The following CDK17 variants were observed in gnomAD, a reference collection of about 807,000 sequenced individuals.
CDK17 encodes the protein cyclin dependent kinase 17, also known as cyclin-dependent kinase 17.
Under a neutral mutation model 77.6 loss-of-function variants are expected in CDK17, and 24 were observed. That is an observed-to-expected ratio of 0.31 (90% confidence interval 0.22 to 0.44). The LOEUF (loss-of-function observed/expected upper bound fraction) is 0.44, where lower values mean the gene tolerates loss of function less well. Ranked by LOEUF, CDK17 falls within the 20% of genes least tolerant of loss-of-function variation. The pLI is 1.00. For missense variants in CDK17, 429 were observed against 622.5 expected, an observed-to-expected ratio of 0.69 and a Z score of 3.31; for synonymous variants, 203 against 210.4, an observed-to-expected ratio of 0.96 and a Z score of 0.30.
chr12:96,342,526 C>A (rs1393523748), intron 1 of CDK17, among the ~76,000 whole-genome samples: 1 of 152,066 alleles, frequency 6.6e-6, no homozygotes, highest in African/African-American at 2.4e-5. Flanking sequence ...CATGCCACTG[C>A]ACTCCAGCCC....
At chr12:96,317,884 C>A (rs1481424543) in intron 3 of CDK17, among the ~76,000 whole-genome samples, 2 of 148,254 alleles carry the variant, frequency 1.3e-5, no homozygotes, top group African/African-American at 4.9e-5. Context: ...GAAGAAACTG[C>A]ATCAACTAAT....
chr12:96,309,764 T>A (rs1417260304), intron 5 of CDK17, among the ~76,000 whole-genome samples: 1 of 152,168 alleles, frequency 6.6e-6, no homozygotes, highest in East Asian at 1.9e-4. Context: ...AACTTAGTCA[T>A]CAGAGAAATG....
At chr12:96,339,519 A>C (rs920570720) in intron 1 of CDK17, among the ~76,000 whole-genome samples, 1 of 152,104 alleles carries the variant, frequency 6.6e-6, no homozygotes, top group African/African-American at 2.4e-5. Context: ...AAAGATAGTG[A>C]ATTTTGCTAT....
At chr12:96,298,559 C>T (rs966413749) in intron 7 of CDK17, among the ~76,000 whole-genome samples, 13 of 152,068 alleles carry the variant, frequency 8.5e-5, no homozygotes, top group Non-Finnish European at 1.8e-4. Context: ...TGTTTACACA[C>T]TGTTTTTTAA....
Position 96,400,326 on chromosome 12 carries a change from G to A in CDK17, c.-370C>T, listed in dbSNP as rs992209751. 5 of 388,426 alleles carry A rather than the reference G, an allele frequency of 1.3e-5. No homozygotes were observed. In the East Asian group the frequency reaches 1.5e-4, roughly 11 times the overall value. 24.1% of individuals were successfully genotyped at this position (388,426 alleles called of 1,614,324 possible). A position where few individuals can be genotyped will look rare whatever the true frequency, so the allele number is the denominator to read the frequency against. ...CGGCGGGCTGAGACTGTCTGGCCGG[G>A]CGCTGGCTCCTTCTCCGCGGCTCTG... On this transcript the variant is annotated 5_prime_UTR_variant, in exon 1 of 17. Coordinates refer to ENST00000261211, the MANE Select transcript of CDK17 (RefSeq NM_002595.5).
At chr12:96,337,397 G>A (rs754236032) in intron 1 of CDK17, among the ~76,000 whole-genome samples, 1 of 152,186 alleles carries the variant, frequency 6.6e-6, no homozygotes. Flanking sequence ...CCTGAATCTT[G>A]ACTCTTCAAG....
intron 1 of CDK17, 144 bp from the exon 2 acceptor site, chr12:96,335,009 CT>C: frequency 1.5e-6 from 1 of 680,892 alleles, no homozygotes; most frequent in Admixed American, 2.1e-5. Context: ...AATCCAACCC[CT>C]TTTTTAAAAA....
At chr12:96,399,757 C>G (rs1003263673) in intron 1 of CDK17, among the ~76,000 whole-genome samples, 3 of 152,144 alleles carry the variant, frequency 2.0e-5, no homozygotes, top group Non-Finnish European at 2.9e-5. Context: ...CACACCCCAC[C>G]CGAGCCCCGG....
At chr12:96,306,944 A>T (rs774614328) in intron 5 of CDK17, among the ~76,000 whole-genome samples, 10 of 152,202 alleles carry the variant, frequency 6.6e-5, no homozygotes, top group Admixed American at 3.9e-4. Flanking sequence ...GTAAAATCCA[A>T]AACATAGCTG....
intron 1 of CDK17, among the ~76,000 whole-genome samples, chr12:96,368,319 C>CTGTTCCCTCT (rs1352093652): frequency 6.6e-6 from 1 of 152,204 alleles, no homozygotes. Context: ...AGTGACTGAA[C>CTGTTCCCTCT]TGTTCCCTCT....
At chr12:96,342,021 T>G (rs1953129659) in intron 1 of CDK17, among the ~76,000 whole-genome samples, 1 of 152,188 alleles carries the variant, frequency 6.6e-6, no homozygotes, top group Admixed American at 6.5e-5. Context: ...TTTAGGTAAA[T>G]AAGCAAAACA....
intron 1 of CDK17, among the ~76,000 whole-genome samples, chr12:96,368,952 T>C (rs911408843): frequency 4.6e-5 from 7 of 152,036 alleles, no homozygotes; most frequent in African/African-American, 1.4e-4. Flanking sequence ...AGTGGTACTA[T>C]GAAATTGCTG....
chr12:96,383,297 T>C (rs1310222256), intron 1 of CDK17, among the ~76,000 whole-genome samples: 1 of 151,688 alleles, frequency 6.6e-6, no homozygotes, highest in East Asian at 1.9e-4. Context: ...CCATGGTCAT[T>C]AATTAGAAGA....
At chr12:96,369,470 T>C (rs531572027) in intron 1 of CDK17, among the ~76,000 whole-genome samples, 53 of 149,996 alleles carry the variant, frequency 3.5e-4, no homozygotes, top group Non-Finnish European at 6.1e-4. Flanking sequence ...GTATATGTGG[T>C]GAGGATTTCT....
At chr12:96,393,642 G>A (rs1441836156) in intron 1 of CDK17, among the ~76,000 whole-genome samples, 1 of 152,082 alleles carries the variant, frequency 6.6e-6, no homozygotes, top group Non-Finnish European at 1.5e-5. Context: ...GCTGAGGTGG[G>A]AGGATCACTG....
At chr12:96,349,597 T>C (rs1481135971) in intron 1 of CDK17, among the ~76,000 whole-genome samples, 1 of 135,342 alleles carries the variant, frequency 7.4e-6, no homozygotes. Flanking sequence ...AATCACTCAA[T>C]AAACAAAAGA....
At chr12:96,377,448 A>G (rs1475676406) in intron 1 of CDK17, among the ~76,000 whole-genome samples, 2 of 152,206 alleles carry the variant, frequency 1.3e-5, no homozygotes, top group Non-Finnish European at 2.9e-5. Context: ...GGACATGAGA[A>G]TTCAAAGAAG....
At chr12:96,350,505 A>G (rs1431029261) in intron 1 of CDK17, among the ~76,000 whole-genome samples, 1 of 152,186 alleles carries the variant, frequency 6.6e-6, no homozygotes, top group African/African-American at 2.4e-5. Context: ...TAATCAAAAC[A>G]TTATGGTATT....
At chr12:96,340,055 T>C (rs945562304) in intron 1 of CDK17, among the ~76,000 whole-genome samples, 2 of 152,006 alleles carry the variant, frequency 1.3e-5, no homozygotes, top group Non-Finnish European at 2.9e-5. Context: ...TCTTAAAAAT[T>C]ACATATGGGG....
Sources: gnomAD v4.1 joint callset for allele counts (sites outside exome capture counted in the v4.1 genomes callset) on GRCh38, gnomAD v4.1.1 for gene constraint, MANE v1.5 for transcripts, NCBI Gene and HGNC (gene_info 2026-07-23, HGNC 2026-07-21) for gene names.